HIRA: variants seen among roughly 807,000 people sequenced by gnomAD.
HIRA encodes protein HIRA.
A neutral mutation model predicts 126.6 loss-of-function variants in HIRA; 13 were observed. The observed-to-expected ratio is 0.10, with a 90% CI of 0.07 to 0.16. HIRA has a LOEUF of 0.16. Among genes scored for constraint, HIRA ranks in the 10% least tolerant of loss-of-function variants. The probability of loss-of-function intolerance (pLI) is 1.00; values close to 1 mark genes in which losing one functional copy is unlikely to be tolerated. For synonymous variants in HIRA, 511 were observed against 520.0 expected (o/e 0.98, Z 0.24); for missense variants, 834 against 1,314.4 (o/e 0.63, Z 5.65).
chr22:19,409,481 G>A (rs147386691), intron 2 of HIRA, among the ~76,000 whole-genome samples: 9 of 151,942 alleles, frequency 5.9e-5, no homozygotes, highest in African/African-American at 2.2e-4. Flanking sequence ...ACGGGGTTTC[G>A]CCATGTTGGC....
At chr22:19,347,965 A>G (rs2088706303) in intron 24 of HIRA, among the ~76,000 whole-genome samples, 1 of 152,164 alleles carries the variant, frequency 6.6e-6, no homozygotes, top group Non-Finnish European at 1.5e-5. Context: ...ACAAACAAAC[A>G]ACTTGAGGGC....
At chr22:19,389,004 T>C (rs1314091169) in intron 9 of HIRA, among the ~76,000 whole-genome samples, 1 of 152,102 alleles carries the variant, frequency 6.6e-6, no homozygotes, top group Admixed American at 6.5e-5. Context: ...GGGACTCTGG[T>C]ACACATTTAT....
intron 24 of HIRA, among the ~76,000 whole-genome samples, chr22:19,341,910 G>A (rs1027281714): frequency 3.9e-5 from 6 of 152,130 alleles, no homozygotes; most frequent in Non-Finnish European, 8.8e-5. Context: ...TCATGACTAC[G>A]AACCCAAAAG....
intron 13 of HIRA, among the ~76,000 whole-genome samples, chr22:19,378,818 T>C (rs1399648267): frequency 2.0e-5 from 3 of 152,222 alleles, no homozygotes; most frequent in African/African-American, 4.8e-5. Flanking sequence ...AGAAGTGGAA[T>C]TGTAGCAGCA....
chr22:19,341,448 CAAAAAAAAAA>C (rs55996019), intron 24 of HIRA, among the ~76,000 whole-genome samples: 1 of 107,892 alleles, frequency 9.3e-6, no homozygotes, highest in African/African-American at 3.7e-5. Context: ...GACCCTGTTT[CAAAAAAAAAA>C]AAAAAAAAAA....
At chr22:19,413,358 C>A (rs567943757) in intron 1 of HIRA, among the ~76,000 whole-genome samples, 1 of 152,220 alleles carries the variant, frequency 6.6e-6, no homozygotes, top group African/African-American at 2.4e-5. Flanking sequence ...TTTAGCCCTG[C>A]CACTTACCCA....
intron 1 of HIRA, among the ~76,000 whole-genome samples, chr22:19,421,054 T>C (rs2089442118): frequency 6.6e-6 from 1 of 152,066 alleles, no homozygotes; most frequent in Non-Finnish European, 1.5e-5. Context: ...TCCCAGCACT[T>C]TGGGAGGTCG....
chr22:19,333,792 G>T (rs1225785065), intron 24 of HIRA, among the ~76,000 whole-genome samples: 1 of 151,728 alleles, frequency 6.6e-6, no homozygotes, highest in East Asian at 1.9e-4. Flanking sequence ...TTTTCTTTTT[G>T]CTCCTCATAC....
chr22:19,429,267 A>G, intron 1 of HIRA, among the ~76,000 whole-genome samples: 1 of 148,706 alleles, frequency 6.7e-6, no homozygotes, highest in Non-Finnish European at 1.5e-5. Flanking sequence ...CCTCCCGAGT[A>G]GTTGGGACTA....
At position 19,375,681 on chromosome 22, in the gene HIRA, G is replaced by A. The variant is rs771645390; in HGVS notation, c.1725C>T (p.Ala575=). The part of the protein sequence containing the change: ...FDSRFTERSK[A]TPGAPALTSM... Reference sequence around the variant, plus strand: ...TGGTCAGGGCAGGAGCACCTGGTGTGGCTTTGGACCGCTCTGTGAACCGGG... The same window carrying A: ...TGGTCAGGGCAGGAGCACCTGGTGTAGCTTTGGACCGCTCTGTGAACCGGG... The change falls in exon 15 of 25, where the codon GCC becomes GCT. Residue 575 remains alanine, a synonymous_variant. Transcript: ENST00000263208. 37 of 1,614,082 alleles carry A rather than the reference G, an allele frequency of 2.3e-5. No homozygotes were observed. The South Asian group carries it at 4.1e-4, about 18-fold the overall frequency.
At chr22:19,352,372 C>T (rs1389978485) in intron 23 of HIRA, among the ~76,000 whole-genome samples, 2 of 152,020 alleles carry the variant, frequency 1.3e-5, no homozygotes, top group East Asian at 3.9e-4. Context: ...GACTAGAGCA[C>T]CACAGGAGAG....
intron 15 of HIRA, among the ~76,000 whole-genome samples, chr22:19,362,597 C>T (rs1189333750): frequency 2.0e-5 from 3 of 151,540 alleles, no homozygotes; most frequent in African/African-American, 7.3e-5. Flanking sequence ...TTTCACTCTT[C>T]TCGCCCAGCC....
In HIRA at chr22:19,377,587, C is replaced by G. The variant is rs143695006; in HGVS notation, c.1613+282G>C. The stretch of plus-strand genomic sequence containing the variant: ...TGTAGAGCTGCCAGGTGGGGCTGAC[C>G]CTGCAGCACGTAGCATTTCACTGGT... On this transcript the variant is annotated intron_variant, in intron 14 of 24. Coordinates refer to ENST00000263208, the MANE Select transcript of HIRA (RefSeq NM_003325.4). Among the ~76,000 whole-genome samples, 830 of 146,694 alleles carry G rather than the reference C, an allele frequency of 5.7e-3. 3 individuals are homozygous for G. The highest frequency in any genetic ancestry group is 9.5e-3 in the Non-Finnish European group (623 of 65,736).
At chr22:19,412,004 A>T (rs1383477640) in intron 1 of HIRA, among the ~76,000 whole-genome samples, 1 of 152,384 alleles carries the variant, frequency 6.6e-6, no homozygotes, top group South Asian at 2.1e-4. Flanking sequence ...GAGATAAAAT[A>T]CACTTTCCTT....
Position 19,410,744 on chromosome 22 carries a change from G to A in HIRA, c.72C>T (p.Asp24=), listed in dbSNP as rs775873954. Residue 24 remains aspartate (D), a synonymous_variant, in exon 2 of 25, where the codon GAC becomes GAT. Coordinates refer to ENST00000263208, the MANE Select transcript of HIRA (RefSeq NM_003325.4). Reference sequence around the variant, plus strand: ...GTCCTCCAGTTGCGAACTTGGTCCCGTCAGGGTGAATATCAACTGAAAAAA... The same window carrying A: ...GTCCTCCAGTTGCGAACTTGGTCCCATCAGGGTGAATATCAACTGAAAAAA... ...KPIFSVDIHP[D]GTKFATGGQG... is the part of the protein sequence containing the mutation. 4.6e-5 allele frequency: 75 copies of A among 1,613,680 alleles called. No homozygotes were observed. The Admixed American group carries it at 7.5e-4, about 16-fold the overall frequency.
chr22:19,425,563 T>C (rs998126334), intron 1 of HIRA, among the ~76,000 whole-genome samples: 10 of 152,028 alleles, frequency 6.6e-5, no homozygotes, highest in African/African-American at 2.2e-4. Context: ...CTCCCAGCTG[T>C]GTAACTATGA....
At position 19,359,430 on chromosome 22, in the gene HIRA, C is replaced by A; in HGVS notation, c.2140G>T (p.Gly714Trp). ...TTCAGGCGGCTCAGCTTCACGCCCC[C>A]CACCACTGTCACTTCATTCTCCACC... ...IEVENEVTVVGGVKLSRLKCN... is the reference protein window; with the variant it reads ...IEVENEVTVVWGVKLSRLKCN... The change falls in exon 18 of 25, where the codon GGG becomes TGG. Residue 714 changes from glycine to tryptophan, a missense_variant. By Grantham distance (184) the Gly-to-Trp change is radical (BLOSUM62 -2). This residue lies in a region of HIRA where 468 missense variants were observed against 574.2 expected (regional missense o/e 0.82). Transcript: ENST00000263208. 1.2e-6 allele frequency: 2 copies of A among 1,610,180 alleles called. No individual in the cohort carries two copies. Among genetic ancestry groups the A allele is most frequent in the Admixed American group, 1.7e-5 (1 of 59,198 alleles).
chr22:19,403,218 G>A (rs2089283580), intron 5 of HIRA, among the ~76,000 whole-genome samples: 1 of 151,686 alleles, frequency 6.6e-6, no homozygotes, highest in South Asian at 2.1e-4. Context: ...AAACACCTAA[G>A]ATGACTGTAG....
intron 24 of HIRA, among the ~76,000 whole-genome samples, chr22:19,349,338 G>A (rs546028007): frequency 6.6e-6 from 1 of 152,196 alleles, no homozygotes; most frequent in Admixed American, 6.5e-5. Context: ...CCTGACCTCA[G>A]GTGATCCACC....
Sources: gnomAD v4.1 joint callset for allele counts (sites outside exome capture counted in the v4.1 genomes callset) on GRCh38, gnomAD v4.1.1 for gene constraint, gnomAD v4.1.1 regional missense constraint, MANE v1.5 for transcripts, NCBI Gene and HGNC (gene_info 2026-07-23, HGNC 2026-07-21) for gene names.